ABCB4: variants seen among roughly 807,000 people sequenced by gnomAD.
ABCB4 encodes the protein phosphatidylcholine translocator ABCB4.
In ABCB4, 76 loss-of-function variants were observed where a neutral mutation model predicts 145.7. The ratio of observed to expected loss-of-function variants is 0.52; its 90% CI spans 0.43 to 0.63. The LOEUF (loss-of-function observed/expected upper bound fraction) is 0.63. ABCB4 is among the 30% of genes least tolerant of loss of function. ABCB4 has a pLI of 0.00. For missense variants in ABCB4, 1,234 were observed against 1,553.1 expected, an observed-to-expected ratio of 0.79 and a Z score of 3.45; for synonymous variants, 517 against 566.8, an observed-to-expected ratio of 0.91 and a Z score of 1.25.
At chr7:87,451,892 A>G in intron 6 of ABCB4, 98 bp from the exon 7 acceptor site, 2 of 1,146,670 alleles carry the variant, frequency 1.7e-6, no homozygotes, top group South Asian at 2.5e-5. Flanking sequence ...AAATTTGTTC[A>G]CTGACTGCAA....
intron 25 of ABCB4, among the ~76,000 whole-genome samples, chr7:87,407,326 AG>A (rs1206537849): frequency 6.6e-6 from 1 of 152,222 alleles, no homozygotes; most frequent in African/African-American, 2.4e-5. Context: ...TAGCTATAAT[AG>A]CAAAGCAGAA....
At chr7:87,375,833 A>G in the ABCB4 span, 5 of 1,613,492 alleles carry the variant, frequency 3.1e-6, no homozygotes, top group Non-Finnish European at 4.2e-6. Context: ...TTTAGGCACG[A>G]GAATATCTGA....
chr7:87,406,632 C>A, intron 25 of ABCB4, 138 bp from the exon 26 acceptor site: 1 of 883,248 alleles, frequency 1.1e-6, no homozygotes, highest in Admixed American at 2.4e-5. Context: ...AAGACTTATA[C>A]CATTGAGGCC....
chr7:87,443,051 A>T (rs1231920932), intron 12 of ABCB4, among the ~76,000 whole-genome samples: 2 of 152,214 alleles, frequency 1.3e-5, no homozygotes, highest in African/African-American at 4.8e-5. Context: ...AGTGGTTTGT[A>T]GACTGCTTTG....
Position 87,419,947 on chromosome 7 carries a change from T to C in ABCB4, c.2394+51A>G, listed in dbSNP as rs190126292. ...ACAATAAGAACAGTAAGAAGCTTAA[T>C]ATGGAAGAAATGTGAAAGATCAGAA... is the stretch of plus-strand genomic sequence containing the variant. On this transcript the variant is annotated intron_variant, in intron 19 of 27. Transcript: ENST00000649586. 4.5e-5 allele frequency: 70 copies of C among 1,556,008 alleles called. No homozygotes were observed. In the African/African-American group the frequency reaches 6.6e-4, roughly 15 times the overall value.
At chr7:87,424,261 G>A (rs559821985) in intron 16 of ABCB4, among the ~76,000 whole-genome samples, 2 of 152,180 alleles carry the variant, frequency 1.3e-5, no homozygotes, top group South Asian at 2.1e-4. Flanking sequence ...TGGGTTGTTC[G>A]GCCAAGAAAT....
rs959971555 is a variant in ABCB4 at position 87,440,052 on chromosome 7, C to T, written c.1560+147G>A. On this transcript the variant is annotated intron_variant, in intron 13 of 27. Transcript: ENST00000649586. ...ATCTACCATGCTATAATCCTTTAACCCCTAACTGAGTCATTCAGGGGACTT... is the reference window on the plus strand; with the variant it reads ...ATCTACCATGCTATAATCCTTTAACTCCTAACTGAGTCATTCAGGGGACTT... The T allele has an allele frequency of 3.5e-6, 4 of 1,131,772 alleles. No individual in the cohort carries two copies. In the African/African-American group the frequency reaches 4.7e-5, roughly 13 times the overall value. 70.1% of individuals were successfully genotyped at this position (1,131,772 alleles called of 1,614,324 possible).
chr7:87,375,647 C>G, the ABCB4 span: 1 of 1,612,732 alleles, frequency 6.2e-7, no homozygotes. Context: ...TGACATATAT[C>G]CACAAGAAGT....
intron 1 of ABCB4, 75 bp downstream of exon 1, chr7:87,475,559 G>A: frequency 7.5e-7 from 1 of 1,338,490 alleles, no homozygotes; most frequent in Non-Finnish European, 1.1e-6. Flanking sequence ...ACTGGGTGGA[G>A]GTCCGGCCAC....
At chr7:87,435,377 C>A (rs1401135611) in intron 14 of ABCB4, among the ~76,000 whole-genome samples, 1 of 152,230 alleles carries the variant, frequency 6.6e-6, no homozygotes, top group Non-Finnish European at 1.5e-5. Flanking sequence ...GAGCCAATTT[C>A]TCTGCCTCCT....
chr7:87,380,892 G>T, the ABCB4 span, among the ~76,000 whole-genome samples: 1 of 152,348 alleles, frequency 6.6e-6, no homozygotes, highest in South Asian at 2.1e-4. Flanking sequence ...AAATGGGTTT[G>T]TCAGCGACCT....
chr7:87,386,938 C>T, the ABCB4 span, among the ~76,000 whole-genome samples: 1 of 152,114 alleles, frequency 6.6e-6, no homozygotes, highest in Non-Finnish European at 1.5e-5. Flanking sequence ...TGTGAAGGAA[C>T]CCAGCATGGA....
Position 87,412,049 on chromosome 7 carries a change from G to A in ABCB4, c.2784-16C>T, listed in dbSNP as rs1474030154. 1.9e-6 allele frequency: 3 copies of A among 1,613,176 alleles called. No individual in the cohort carries two copies. Among genetic ancestry groups the A allele is most frequent in the Admixed American group, 3.3e-5 (2 of 59,980 alleles). Reference sequence around the variant, plus strand: ...CACAGAATTCCTGAAAAGCAAATCAGTATACTTGTAACCATCTCTTCAGCC... The same window carrying A: ...CACAGAATTCCTGAAAAGCAAATCAATATACTTGTAACCATCTCTTCAGCC... On this transcript the variant is annotated splice_polypyrimidine_tract_variant and intron_variant, in intron 22 of 27. Transcript: ENST00000649586.
chr7:87,430,693 T>C (rs1810157532), intron 15 of ABCB4, among the ~76,000 whole-genome samples: 1 of 152,004 alleles, frequency 6.6e-6, no homozygotes, highest in Non-Finnish European at 1.5e-5. Flanking sequence ...CCCAGCTAAT[T>C]TTTTGTATTT....
intron 25 of ABCB4, 141 bp from the exon 26 acceptor site, chr7:87,406,635 T>C (rs1012313778): frequency 4.5e-6 from 4 of 881,254 alleles, no homozygotes; most frequent in Non-Finnish European, 7.0e-6. Context: ...ACTTATACCA[T>C]TGAGGCCAGC....
chr7:87,376,633 ATT>A, the ABCB4 span, among the ~76,000 whole-genome samples: 5 of 143,150 alleles, frequency 3.5e-5, no homozygotes, highest in Admixed American at 7.0e-5. Flanking sequence ...AAGGAGAGAG[ATT>A]TTTTTTTTTT....
chr7:87,456,573 A>G (rs1812113238), intron 4 of ABCB4, among the ~76,000 whole-genome samples: 1 of 152,184 alleles, frequency 6.6e-6, no homozygotes, highest in Non-Finnish European at 1.5e-5. Flanking sequence ...CAGAAGCCCC[A>G]AACAGATGTG....
chr7:87,449,692 C>T (rs1405322625), intron 8 of ABCB4, among the ~76,000 whole-genome samples: 1 of 152,066 alleles, frequency 6.6e-6, no homozygotes, highest in Non-Finnish European at 1.5e-5. Context: ...CCTGCCTTGG[C>T]TTCCCAAAGG....
At chr7:87,381,453 A>G in the ABCB4 span, among the ~76,000 whole-genome samples, 1 of 152,182 alleles carries the variant, frequency 6.6e-6, no homozygotes, top group Non-Finnish European at 1.5e-5. Flanking sequence ...GCTTTCTAAT[A>G]TTCACTAAGT....
Sources: allele counts gnomAD v4.1 joint callset (sites outside exome capture counted in the v4.1 genomes callset), GRCh38; gene constraint gnomAD v4.1.1; transcripts MANE v1.5; gene names NCBI Gene and HGNC (gene_info 2026-07-23, HGNC 2026-07-21).